The following ITPK1 variants were observed in gnomAD, a reference collection of about 807,000 sequenced individuals.
ITPK1 encodes inositol 1,3,4-trisphosphate 5/6-kinase.
Under a neutral mutation model 45.3 loss-of-function variants are expected in ITPK1, and 21 were observed. The ratio of observed to expected loss-of-function variants is 0.46; its 90% CI spans 0.33 to 0.67. The LOEUF is 0.67. Ranked by LOEUF, ITPK1 falls within the 30% of genes least tolerant of loss-of-function variation. The pLI is 0.02. For missense variants in ITPK1, 474 were observed against 573.5 expected (o/e 0.83, Z 1.77); for synonymous variants, 258 against 253.6 (o/e 1.02, Z -0.16).
intron 2 of ITPK1, among the ~76,000 whole-genome samples, chr14:93,110,174 T>G (rs1351707280): frequency 6.6e-6 from 1 of 152,106 alleles, no homozygotes; most frequent in African/African-American, 2.4e-5. Context: ...AATAGATCCA[T>G]GTGCACACGG....
intron 2 of ITPK1, among the ~76,000 whole-genome samples, chr14:93,086,898 G>A (rs574089134): frequency 1.2e-4 from 18 of 152,200 alleles, no homozygotes; most frequent in Non-Finnish European, 2.6e-4. Context: ...TATCTCCCTG[G>A]CCCCTCAGAT....
At chr14:93,097,444 T>C (rs10138914) in intron 2 of ITPK1, among the ~76,000 whole-genome samples, 37,430 of 151,792 alleles carry the variant, frequency 0.25, 5,030 homozygotes, top group African/African-American at 0.36. Context: ...TAGCCAAAGG[T>C]CAAGCCCCAG....
At chr14:92,983,538 G>T (rs1489443618) in intron 5 of ITPK1, among the ~76,000 whole-genome samples, 1 of 152,112 alleles carries the variant, frequency 6.6e-6, no homozygotes, top group Non-Finnish European at 1.5e-5. Flanking sequence ...CAAACAACAG[G>T]CAAAGATTCA....
rs535763779 is a variant in ITPK1, at chr14:93,003,371, C to T, written c.247-9374G>A. Among the ~76,000 whole-genome samples, 163 of 152,304 alleles carry T rather than the reference C, an allele frequency of 1.1e-3. 2 individuals carry two copies. Among genetic ancestry groups the T allele is most frequent in the Admixed American group, 2.5e-3 (39 of 15,304 alleles). ...TAACTTGTCATCAACCAAGGCCAGC[C>T]GAACATCCCCCAGAAGAAGTCTTCC... On this transcript the variant is annotated intron_variant, in intron 4 of 10. Transcript: ENST00000267615.
At chr14:93,046,512 T>G (rs961650860) in intron 3 of ITPK1, among the ~76,000 whole-genome samples, 2 of 149,836 alleles carry the variant, frequency 1.3e-5, no homozygotes, top group African/African-American at 5.0e-5. Flanking sequence ...CGCAATTTAG[T>G]GCTCAGACTT....
At chr14:92,949,056 G>A (rs898787145) in intron 9 of ITPK1, among the ~76,000 whole-genome samples, 7 of 152,084 alleles carry the variant, frequency 4.6e-5, no homozygotes, top group African/African-American at 1.7e-4. Context: ...GGAGTGGCCT[G>A]GCTGTAAGAG....
chr14:92,989,463 T>C (rs958342346), intron 5 of ITPK1, among the ~76,000 whole-genome samples: 4 of 152,160 alleles, frequency 2.6e-5, no homozygotes, highest in Non-Finnish European at 5.9e-5. Context: ...ACCCACGCCA[T>C]GCAATTACGG....
rs1887451350 is a variant in ITPK1, at chr14:92,942,000, A to G, written c.902-96T>C. 4 of 1,065,740 alleles carry G rather than the reference A, an allele frequency of 3.8e-6. No homozygotes were observed. In the Admixed American group the frequency reaches 6.8e-5, roughly 18 times the overall value. 66.0% of individuals were successfully genotyped at this position (1,065,740 alleles called of 1,614,324 possible). On this transcript the variant is annotated intron_variant, in intron 10 of 10. Coordinates refer to ENST00000267615, the MANE Select transcript of ITPK1 (RefSeq NM_014216.6). Reference sequence around the variant, plus strand: ...GAGGCAGAACCGATGGGCTCCTGGGATGAGGCAGGGTGTGCTGTCAGCGTC... The same window carrying G: ...GAGGCAGAACCGATGGGCTCCTGGGGTGAGGCAGGGTGTGCTGTCAGCGTC...
At position 93,069,931 on chromosome 14, in the gene ITPK1, G is replaced by A. The variant is rs1425772192; in HGVS notation, c.120+6664C>T. ...CCCACCATTCACTCATTCGCAAGCC[G>A]GGAGAACTTACTTACTTCCTTGCCT... On this transcript the variant is annotated intron_variant, in intron 3 of 10. Transcript: ENST00000267615. 4 of 152,354 alleles carry A rather than the reference G, an allele frequency of 2.6e-5. No homozygotes were observed. In the East Asian group the frequency reaches 5.8e-4, roughly 22 times the overall value. 9.4% of individuals were successfully genotyped at this position (152,354 alleles called of 1,614,324 possible).
At position 92,946,510 on chromosome 14, in the gene ITPK1, G is replaced by T; in HGVS notation, c.739-17C>A. 1 of 1,611,220 alleles carries T rather than the reference G, an allele frequency of 6.2e-7. No homozygotes were observed. Reference sequence around the variant, plus strand: ...CTTGTCCAGCTGCCAACATACACAAGGAAGTCAGGCCATGGGCCGAGGAGC... The same window carrying T: ...CTTGTCCAGCTGCCAACATACACAATGAAGTCAGGCCATGGGCCGAGGAGC... On this transcript the variant is annotated splice_polypyrimidine_tract_variant and intron_variant, in intron 9 of 10. Transcript: ENST00000267615.
chr14:93,064,306 G>A (rs910456128), intron 3 of ITPK1, among the ~76,000 whole-genome samples: 1 of 152,022 alleles, frequency 6.6e-6, no homozygotes, highest in Admixed American at 6.5e-5. Flanking sequence ...TAAAATTTTC[G>A]TAGAGATGGG....
chr14:92,971,380 T>C (rs1486438729), intron 5 of ITPK1, among the ~76,000 whole-genome samples: 4 of 152,226 alleles, frequency 2.6e-5, no homozygotes, highest in African/African-American at 9.6e-5. Flanking sequence ...AGAGGGCTAC[T>C]ACCCCTCCCC....
rs1385882918 is a variant in ITPK1, at chr14:92,939,894, C to T, written c.*1667G>A. 1.0e-6 allele frequency: 1 copy of T among 985,700 alleles called. No individual in the cohort carries two copies. Among genetic ancestry groups the T allele is most frequent in the African/African-American group, 1.7e-5 (1 of 57,220 alleles). 61.1% of individuals were successfully genotyped at this position (985,700 alleles called of 1,614,324 possible). ...TGATTTCAGTAGTTTATTTTGGAGA[C>T]AAAGCAGTGCAAGAGGCCAGCCACG... is the stretch of plus-strand genomic sequence containing the variant. On this transcript the variant is annotated 3_prime_UTR_variant, in exon 11 of 11. Coordinates refer to ENST00000267615, the MANE Select transcript of ITPK1 (RefSeq NM_014216.6).
In ITPK1 at chr14:92,940,280, G is replaced by A. The variant is rs1887293434; in HGVS notation, c.*1281C>T. On this transcript the variant is annotated 3_prime_UTR_variant, in exon 11 of 11. Coordinates refer to ENST00000267615, the MANE Select transcript of ITPK1 (RefSeq NM_014216.6). ...TATCTTAAGACACAAAAACATACTT[G>A]TGGGGGCTGATGCCTCTCACCCAGC... is the stretch of plus-strand genomic sequence containing the variant. The A allele has an allele frequency of 1.0e-6, 1 of 988,162 alleles. No individual in the cohort carries two copies. Among genetic ancestry groups the A allele is most frequent in the South Asian group, 4.6e-5 (1 of 21,562 alleles). The allele number at this position is 988,162 out of a possible 1,614,324, so 61.2% of individuals were successfully genotyped here.
At chr14:92,960,131 A>G (rs1325460960) in intron 7 of ITPK1, among the ~76,000 whole-genome samples, 1 of 152,198 alleles carries the variant, frequency 6.6e-6, no homozygotes, top group Non-Finnish European at 1.5e-5. Flanking sequence ...CTCTGAGTAC[A>G]TGGGACGTGG....
At chr14:93,082,714 C>T (rs1385697047) in intron 2 of ITPK1, among the ~76,000 whole-genome samples, 1 of 152,238 alleles carries the variant, frequency 6.6e-6, no homozygotes, top group African/African-American at 2.4e-5. Flanking sequence ...AGCATGGGAG[C>T]AGGACCCAAG....
At chr14:92,956,519 C>T (rs984881097) in intron 8 of ITPK1, among the ~76,000 whole-genome samples, 2 of 151,948 alleles carry the variant, frequency 1.3e-5, no homozygotes, top group African/African-American at 4.8e-5. Flanking sequence ...CTCACAGATA[C>T]AGGATAGGAG....
At chr14:92,971,955 T>C (rs111861156) in intron 5 of ITPK1, among the ~76,000 whole-genome samples, 1 of 152,258 alleles carries the variant, frequency 6.6e-6, no homozygotes, top group African/African-American at 2.4e-5. Context: ...GGGACACTGA[T>C]GGAACAAGGG....
At chr14:92,949,475 C>T (rs1887855135) in intron 9 of ITPK1, among the ~76,000 whole-genome samples, 1 of 152,232 alleles carries the variant, frequency 6.6e-6, no homozygotes, top group African/African-American at 2.4e-5. Flanking sequence ...GCAGCTCAGC[C>T]ACTCATCCTG....
Sources: allele counts gnomAD v4.1 joint callset (sites outside exome capture counted in the v4.1 genomes callset), GRCh38; gene constraint gnomAD v4.1.1; transcripts MANE v1.5; gene names NCBI Gene and HGNC (gene_info 2026-07-23, HGNC 2026-07-21).